The following SUGP1 variants were observed in gnomAD, a reference collection of about 807,000 sequenced individuals.
The protein encoded by SUGP1 is SURP and G-patch domain containing 1.
A neutral mutation model predicts 76.5 loss-of-function variants in SUGP1; 34 were observed. The ratio of observed to expected loss-of-function variants is 0.44; its 90% CI spans 0.34 to 0.59. The LOEUF is 0.59. Among genes scored for constraint, SUGP1 ranks in the 20% least tolerant of loss-of-function variants. SUGP1 has a pLI of 0.01. For synonymous variants in SUGP1, 326 were observed against 326.2 expected, an observed-to-expected ratio of 1.00 and a Z score of 0.01; for missense variants, 752 against 851.7, an observed-to-expected ratio of 0.88 and a Z score of 1.46.
chr19:19,306,204 G>A, intron 3 of SUGP1, 128 bp from the exon 4 acceptor site: 2 of 852,868 alleles, frequency 2.3e-6, no homozygotes, highest in Non-Finnish European at 3.5e-6. Flanking sequence ...GGGGCTCAGA[G>A]GAGGCCACCC....
In SUGP1 at chr19:19,303,860, T is replaced by C; in HGVS notation, c.539-13A>G. ...TCTGGGGGTGAAACTTTAAGGAGGC[T>C]GTCAGTACTGGGGTTCAACTCACAC... On this transcript the variant is annotated splice_polypyrimidine_tract_variant and intron_variant, in intron 4 of 13. Transcript: ENST00000247001. The C allele has an allele frequency of 6.2e-7, 1 of 1,613,912 alleles. No individual in the cohort carries two copies. Among genetic ancestry groups the C allele is most frequent in the Non-Finnish European group, 8.5e-7 (1 of 1,180,024 alleles).
At chr19:19,277,942 ACCTTCT>A in intron 11 of SUGP1, 63 bp from the exon 12 acceptor site, 1 of 1,591,262 alleles carries the variant, frequency 6.3e-7, no homozygotes, top group Non-Finnish European at 8.6e-7. Flanking sequence ...CCCAAATCCA[ACCTTCT>A]GCCTTTGGTT....
At chr19:19,288,304 T>C (rs999634368) in intron 8 of SUGP1, among the ~76,000 whole-genome samples, 3 of 152,192 alleles carry the variant, frequency 2.0e-5, no homozygotes, top group African/African-American at 7.2e-5. Context: ...TAGCTAGAGC[T>C]ATAGATGCAC....
At chr19:19,286,328 G>A (rs537399527) in intron 8 of SUGP1, among the ~76,000 whole-genome samples, 6 of 152,230 alleles carry the variant, frequency 3.9e-5, no homozygotes, top group Admixed American at 2.0e-4. Context: ...CATAACACAC[G>A]TACTCTATGG....
intron 8 of SUGP1, among the ~76,000 whole-genome samples, chr19:19,289,486 G>C (rs7359917): frequency 6.6e-6 from 1 of 151,936 alleles, no homozygotes; most frequent in Non-Finnish European, 1.5e-5. Context: ...GGTGGCTCAC[G>C]CCTGTAATCC....
At chr19:19,316,325 G>T in intron 2 of SUGP1, 97 bp downstream of exon 2, 1 of 1,451,398 alleles carries the variant, frequency 6.9e-7, no homozygotes, top group Non-Finnish European at 9.4e-7. Context: ...ATGGCTGGGT[G>T]CAAGCACATG....
chr19:19,304,054 G>A lies in SUGP1; in HGVS notation c.539-207C>T, dbSNP rs376909773. The A allele has an allele frequency of 4.5e-6, 7 of 1,554,534 alleles. 1 individual carries two copies. The highest frequency in any genetic ancestry group is 2.3e-5 in the East Asian group (1 of 43,582). ...TCTTGGTGAGACACACTAGGTGGGA[G>A]AGAAGTGTGTGAGGCTGTGGTGAGC... is the stretch of plus-strand genomic sequence containing the variant. On this transcript the variant is annotated intron_variant, in intron 4 of 13. Coordinates refer to ENST00000247001, the MANE Select transcript of SUGP1 (RefSeq NM_172231.4).
intron 3 of SUGP1, among the ~76,000 whole-genome samples, chr19:19,308,860 C>T (rs2061334759): frequency 7.2e-6 from 1 of 138,232 alleles, no homozygotes; most frequent in Non-Finnish European, 1.5e-5. Context: ...TACATTTGCC[C>T]CCTTGGTAAT....
At chr19:19,289,892 G>A (rs146661547) in intron 8 of SUGP1, among the ~76,000 whole-genome samples, 2 of 152,252 alleles carry the variant, frequency 1.3e-5, no homozygotes, top group East Asian at 1.9e-4. Flanking sequence ...TCCCCCATAC[G>A]TCGCCCTATG....
Position 19,297,047 on chromosome 19 carries a change from C to G in SUGP1, c.1185G>C (p.Glu395Asp), listed in dbSNP as rs1489895826. Residue 395 changes from glutamate (E) to aspartate (D), a missense_variant, in exon 8 of 14, where the codon GAG becomes GAC. Around this residue, in one of 2 missense-constraint regions of SUGP1, gnomAD observed 620 missense variants for 617.3 expected, o/e 1.00. Coordinates refer to ENST00000247001, the MANE Select transcript of SUGP1 (RefSeq NM_172231.4). ...SRWGPEEDKV[E>D]LPPAELVQRD... is the part of the protein sequence containing the mutation. ...TCTGCACCAGTTCAGCAGGTGGGAGCTCTACCTTATCCTCTTCAGGCCCCC... is the reference window on the plus strand; with the variant it reads ...TCTGCACCAGTTCAGCAGGTGGGAGGTCTACCTTATCCTCTTCAGGCCCCC... The G allele has an allele frequency of 6.2e-7, 1 of 1,609,868 alleles. No individual in the cohort carries two copies.
At chr19:19,280,905 G>T (rs2061093504) in intron 8 of SUGP1, 4 of 152,272 alleles carry the variant, frequency 2.6e-5, no homozygotes, top group Admixed American at 2.6e-4. Context: ...CCGGGTGGCA[G>T]AAACCACCAC....
At chr19:19,300,846 G>A (rs1181644151) in intron 7 of SUGP1, among the ~76,000 whole-genome samples, 1 of 152,096 alleles carries the variant, frequency 6.6e-6, no homozygotes, top group Non-Finnish European at 1.5e-5. Flanking sequence ...AGGAGGGCCG[G>A]GGCCACCTGC....
At position 19,320,018 on chromosome 19, in the gene SUGP1, A is replaced by G. The variant is rs148744086; in HGVS notation, c.34+445T>C. Among the ~76,000 whole-genome samples, 4 of 152,322 alleles carry G rather than the reference A, an allele frequency of 2.6e-5. No individual in the cohort carries two copies. The East Asian group carries it at 7.7e-4, about 29-fold the overall frequency. Reference sequence around the variant, plus strand: ...AAGCAGAAAGGCCAAGGCTTGCAGCAAAGTGAGGGTCAAAAGACGCGGGAA... The same window carrying G: ...AAGCAGAAAGGCCAAGGCTTGCAGCGAAGTGAGGGTCAAAAGACGCGGGAA... On this transcript the variant is annotated intron_variant, in intron 1 of 13. Coordinates refer to ENST00000247001, the MANE Select transcript of SUGP1 (RefSeq NM_172231.4).
chr19:19,320,466 C>T lies in SUGP1; in HGVS notation c.31G>A (p.Ala11Thr), dbSNP rs762483181. 1.2e-6 allele frequency: 2 copies of T among 1,610,554 alleles called. No individual in the cohort carries two copies. The highest frequency in any genetic ancestry group is 1.7e-6 in the Non-Finnish European group (2 of 1,178,782). Residue 11 changes from alanine to threonine, a missense_variant, in exon 1 of 14, where the codon GCA becomes ACA. Coordinates refer to ENST00000247001, the MANE Select transcript of SUGP1 (RefSeq NM_172231.4). MSLKMDNRDV[A>T]GKANRWFGVA... Reference sequence around the variant, plus strand: ...GAGAGGAGGCGGGGGCTGTTACCTGCAACATCCCGGTTGTCCATCTTGAGA... The same window carrying T: ...GAGAGGAGGCGGGGGCTGTTACCTGTAACATCCCGGTTGTCCATCTTGAGA...
chr19:19,311,480 C>T (rs2061352562), intron 2 of SUGP1, among the ~76,000 whole-genome samples: 1 of 151,994 alleles, frequency 6.6e-6, no homozygotes, highest in Admixed American at 6.6e-5. Flanking sequence ...GTAATCCCAG[C>T]ACTTTGGGAG....
chr19:19,314,306 G>C (rs553367560), intron 2 of SUGP1, among the ~76,000 whole-genome samples: 5 of 151,958 alleles, frequency 3.3e-5, no homozygotes, highest in Admixed American at 6.6e-5. Context: ...CTGTGTGACA[G>C]AGCAAGACTC....
chr19:19,313,679 A>C (rs1270505217), intron 2 of SUGP1, among the ~76,000 whole-genome samples: 1 of 152,134 alleles, frequency 6.6e-6, no homozygotes, highest in African/African-American at 2.4e-5. Context: ...ACTGTACTGC[A>C]GCCTGGGTGA....
At chr19:19,310,253 G>A in intron 2 of SUGP1, 53 bp from the exon 3 acceptor site, 1 of 1,375,010 alleles carries the variant, frequency 7.3e-7, no homozygotes, top group East Asian at 2.3e-5. Context: ...ATGGAGTGAG[G>A]GCACCAGAGG....
rs368150544 is a variant in SUGP1 at position 19,286,010 on chromosome 19, TACA to T, written c.1244-5722_1244-5720del. Among the ~76,000 whole-genome samples, 30 of 152,286 alleles carry T rather than the reference TACA, an allele frequency of 2.0e-4. No homozygotes were observed. The East Asian group carries it at 2.3e-3, about 12-fold the overall frequency. The stretch of plus-strand genomic sequence containing the variant: ...ACACCAGCTGCCCGTCTTCTGGTTA[TACA>T]ACAAGAAGGCCAGGGCAGGACAGCC... On this transcript the variant is annotated intron_variant, in intron 8 of 13. Coordinates refer to ENST00000247001, the MANE Select transcript of SUGP1 (RefSeq NM_172231.4).
Sources: gnomAD v4.1 joint callset for allele counts (sites outside exome capture counted in the v4.1 genomes callset) on GRCh38, gnomAD v4.1.1 for gene constraint, gnomAD v4.1.1 regional missense constraint, MANE v1.5 for transcripts, NCBI Gene and HGNC (gene_info 2026-07-23, HGNC 2026-07-21) for gene names.